Variants in PLEKHA7 observed in about 807,000 individuals in gnomAD.
PLEKHA7 encodes the protein pleckstrin homology domain containing A7, also known as pleckstrin homology domain-containing family A member 7.
A neutral mutation model predicts 170.0 loss-of-function variants in PLEKHA7; 104 were observed. That is an observed-to-expected ratio of 0.61 (90% CI 0.52 to 0.72). The LOEUF (loss-of-function observed/expected upper bound fraction) is 0.72. Ranked by LOEUF, PLEKHA7 falls within the 30% of genes least tolerant of loss-of-function variation. PLEKHA7 has a pLI of 0.00. For missense variants in PLEKHA7, 1,615 were observed against 1,671.7 expected (o/e 0.97, Z 0.59); for synonymous variants, 648 against 660.8 (o/e 0.98, Z 0.30).
intron 3 of PLEKHA7, among the ~76,000 whole-genome samples, chr11:16,893,736 TC>T: frequency 6.6e-6 from 1 of 152,200 alleles, no homozygotes; most frequent in African/African-American, 2.4e-5. Flanking sequence ...TAGCGCTTAC[TC>T]TTACTCCGTA....
chr11:16,833,000 T>C (rs1321450671), intron 9 of PLEKHA7, among the ~76,000 whole-genome samples: 1 of 152,200 alleles, frequency 6.6e-6, no homozygotes, highest in African/African-American at 2.4e-5. Flanking sequence ...GCCCAAAGTA[T>C]GTGGAGCACC....
rs530557006 is a variant in PLEKHA7, at chr11:16,791,556, C to G, written c.2746-357G>C. 2.0e-6 allele frequency: 1 copy of G among 494,012 alleles called. No individual in the cohort carries two copies. Among genetic ancestry groups the G allele is most frequent in the African/African-American group, 1.9e-5 (1 of 51,746 alleles). 30.6% of individuals were successfully genotyped at this position (494,012 alleles called of 1,614,324 possible). ...TCGCAGGCAGGCTGCTAACCCTGCCCTGACTTCCATGCTTATCACAGCACC... is the reference window on the plus strand; with the variant it reads ...TCGCAGGCAGGCTGCTAACCCTGCCGTGACTTCCATGCTTATCACAGCACC... On this transcript the variant is annotated intron_variant, in intron 19 of 26. Coordinates refer to ENST00000531066, the MANE Select transcript of PLEKHA7 (RefSeq NM_001329630.2). This position sits in a 1 kb window ranked among gnomAD's most constrained non-coding sequence, Gnocchi z 4.5.
rs758736037 is a variant in PLEKHA7, at chr11:17,014,148, T to G, written c.140A>C (p.Asn47Thr). 23 of 1,600,892 alleles carry G rather than the reference T, an allele frequency of 1.4e-5. No individual in the cohort carries two copies. Among genetic ancestry groups the G allele is most frequent in the Non-Finnish European group, 1.6e-5 (19 of 1,175,506 alleles). ...ACCTGAGCGGATCATGTGGCCCGAG[T>G]TGACGGGCTCCCCGGTGCGCGGATG... Reference protein sequence around the residue: ...WLHPRTGEPVNSGHMIRSDLP... With the variant: ...WLHPRTGEPVTSGHMIRSDLP... Residue 47 changes from asparagine to threonine, a missense_variant, in exon 2 of 27, where the codon AAC (asparagine) becomes ACC (threonine). Asn to Thr is a moderately conservative substitution (Grantham distance 65, BLOSUM62 0). Transcript: ENST00000531066.
At chr11:16,977,372 C>A (rs1863133516) in intron 3 of PLEKHA7, among the ~76,000 whole-genome samples, 2 of 152,262 alleles carry the variant, frequency 1.3e-5, no homozygotes, top group South Asian at 4.1e-4. Context: ...TTACACATTG[C>A]TCACACGTCT....
chr11:16,990,215 A>T (rs1863949620), intron 3 of PLEKHA7, among the ~76,000 whole-genome samples: 1 of 146,030 alleles, frequency 6.8e-6, no homozygotes, highest in South Asian at 2.2e-4. Context: ...CCTCTCTTGC[A>T]GTGAGCTGAG....
rs1241954816 is a variant in PLEKHA7 at position 16,783,020 on chromosome 11, C to T, written c.3651-124G>A. ...GGGGGATCAGACAAAAACTGTGGTACTTTCTCCCTAGACAAAGGTACATGC... is the reference window on the plus strand; with the variant it reads ...GGGGGATCAGACAAAAACTGTGGTATTTTCTCCCTAGACAAAGGTACATGC... On this transcript the variant is annotated intron_variant, in intron 25 of 26. Transcript: ENST00000531066. 3 of 1,067,162 alleles carry T rather than the reference C, an allele frequency of 2.8e-6. No individual in the cohort carries two copies. The African/African-American group carries it at 4.8e-5, about 17-fold the overall frequency. 66.1% of individuals were successfully genotyped at this position (1,067,162 alleles called of 1,614,324 possible).
chr11:16,966,923 A>T (rs1862409251), intron 3 of PLEKHA7, among the ~76,000 whole-genome samples: 1 of 152,198 alleles, frequency 6.6e-6, no homozygotes, highest in Non-Finnish European at 1.5e-5. Context: ...GAGCTGCCCC[A>T]GCCTTGTGGC....
chr11:16,855,750 G>C (rs367855682), intron 5 of PLEKHA7, 53 bp downstream of exon 5: 15 of 1,372,404 alleles, frequency 1.1e-5, no homozygotes, highest in African/African-American at 1.0e-4. Context: ...TTACAAAGGG[G>C]CTTGGCAAAA....
At chr11:16,863,770 A>G (rs2135561714) in intron 4 of PLEKHA7, among the ~76,000 whole-genome samples, 2 of 152,236 alleles carry the variant, frequency 1.3e-5, no homozygotes, top group East Asian at 3.9e-4. Context: ...GTCAAGGACT[A>G]CCCCTTTAGG....
At chr11:16,889,400 CAAAAAAA>C (rs869268116) in intron 3 of PLEKHA7, among the ~76,000 whole-genome samples, 5 of 52,734 alleles carry the variant, frequency 9.5e-5, no homozygotes, top group African/African-American at 2.9e-4. Context: ...CTTTATTGCT[CAAAAAAA>C]AAAAAAAAAA....
chr11:16,958,619 T>C (rs904995289), intron 3 of PLEKHA7, among the ~76,000 whole-genome samples: 3 of 152,216 alleles, frequency 2.0e-5, no homozygotes, highest in Non-Finnish European at 4.4e-5. Context: ...CTAATATGCA[T>C]TATTTCTGCA....
rs1851948355 is a variant in PLEKHA7, at chr11:16,841,440, G to A, written c.872+107C>T. 2.4e-6 allele frequency: 3 copies of A among 1,267,516 alleles called. No homozygotes were observed. The Admixed American group carries it at 6.8e-5, about 29-fold the overall frequency. The allele number at this position is 1,267,516 out of a possible 1,614,324, so 78.5% of individuals were successfully genotyped here. A position where few individuals can be genotyped will look rare whatever the true frequency, so the allele number is the denominator to read the frequency against. On this transcript the variant is annotated intron_variant, in intron 9 of 26. Transcript: ENST00000531066. Reference sequence around the variant, plus strand: ...AGAAAGTTTATAAAGAGAGGGCAATGCTTAATACAAGTGAGTAAATGGAAT... The same window carrying A: ...AGAAAGTTTATAAAGAGAGGGCAATACTTAATACAAGTGAGTAAATGGAAT...
At chr11:16,810,477 G>A (rs1258935447) in intron 13 of PLEKHA7, among the ~76,000 whole-genome samples, 1 of 152,226 alleles carries the variant, frequency 6.6e-6, no homozygotes, top group Non-Finnish European at 1.5e-5. Flanking sequence ...CTCGCATGTG[G>A]CTGCTGGTGA....
intron 3 of PLEKHA7, among the ~76,000 whole-genome samples, chr11:16,990,273 CAAAAA>C (rs550741646): frequency 1.1e-4 from 7 of 62,700 alleles, no homozygotes; most frequent in Admixed American, 1.9e-4. Flanking sequence ...GACCCTGTCT[CAAAAA>C]AAAAAAAAAA....
intron 3 of PLEKHA7, among the ~76,000 whole-genome samples, chr11:16,931,762 C>A (rs1164964396): frequency 1.1e-4 from 16 of 146,432 alleles, no homozygotes; most frequent in East Asian, 3.9e-4. Context: ...CCATCCCCCC[C>A]CCCCCAAAAA....
chr11:16,792,190 CA>C (rs1449603171), intron 19 of PLEKHA7, among the ~76,000 whole-genome samples: 1 of 152,148 alleles, frequency 6.6e-6, no homozygotes, highest in Non-Finnish European at 1.5e-5. Flanking sequence ...TCCGAATCAC[CA>C]ATTTCTAAAA....
At chr11:16,917,255 C>T (rs976919342) in intron 3 of PLEKHA7, among the ~76,000 whole-genome samples, 1 of 152,122 alleles carries the variant, frequency 6.6e-6, no homozygotes, top group Non-Finnish European at 1.5e-5. Context: ...CGTTGACTTG[C>T]CTGTCTTCCC....
intron 3 of PLEKHA7, among the ~76,000 whole-genome samples, chr11:16,979,397 G>C (rs774495680): frequency 6.7e-6 from 1 of 148,804 alleles, no homozygotes; most frequent in African/African-American, 2.5e-5. Flanking sequence ...TCAGAGCAAA[G>C]CTCCAGCCCC....
chr11:17,013,940 A>AC (rs545393853), intron 3 of PLEKHA7, 49 bp downstream of exon 3: 43,562 of 1,294,238 alleles, frequency 0.034, 453 homozygotes, highest in Admixed American at 0.13. Flanking sequence ...ACGGGGAGGG[A>AC]CCCCCCCCCC....
Sources: allele counts gnomAD v4.1 joint callset (sites outside exome capture counted in the v4.1 genomes callset), GRCh38; gene constraint gnomAD v4.1.1; non-coding constraint Gnocchi (gnomAD v3.1); transcripts MANE v1.5; gene names NCBI Gene and HGNC (gene_info 2026-07-23, HGNC 2026-07-21).